TRHDE: variants seen among roughly 807,000 people sequenced by gnomAD.
The protein encoded by TRHDE is thyrotropin-releasing hormone-degrading ectoenzyme.
TRHDE carries 72 observed loss-of-function variants against 125.7 expected under a neutral mutation model. That is an observed-to-expected ratio of 0.57 (90% CI 0.47 to 0.70). TRHDE has a LOEUF of 0.70. Among genes scored for constraint, TRHDE ranks in the 30% least tolerant of loss-of-function variants. The probability of loss-of-function intolerance (pLI) is 0.00; values close to 1 mark genes in which losing one functional copy is unlikely to be tolerated. For missense variants in TRHDE, 1,110 were observed against 1,327.1 expected, an observed-to-expected ratio of 0.84 and a Z score of 2.54; for synonymous variants, 509 against 509.1, an observed-to-expected ratio of 1.00 and a Z score of 0.00.
chr12:72,466,192 G>T (rs531315063), intron 3 of TRHDE, among the ~76,000 whole-genome samples: 1 of 152,272 alleles, frequency 6.6e-6, no homozygotes, highest in African/African-American at 2.4e-5. Context: ...TCAGGCTTTT[G>T]CTATCTGACA....
intron 3 of TRHDE, among the ~76,000 whole-genome samples, chr12:72,459,869 C>T (rs1031840046): frequency 6.6e-6 from 1 of 152,070 alleles, no homozygotes; most frequent in African/African-American, 2.4e-5. Context: ...CCTGTTGCCT[C>T]GGCTTCTCAA....
At chr12:72,238,362 T>TATATAC (rs1458549476) in intron 2 of TRHDE, among the ~76,000 whole-genome samples, 3 of 78,480 alleles carry the variant, frequency 3.8e-5, no homozygotes, top group African/African-American at 1.4e-4. Flanking sequence ...TATATATATA[T>TATATAC]ACACATACAT....
At chr12:72,612,156 G>C (rs1289402932) in intron 12 of TRHDE, among the ~76,000 whole-genome samples, 1 of 152,092 alleles carries the variant, frequency 6.6e-6, no homozygotes, top group African/African-American at 2.4e-5. Flanking sequence ...TCCTCAGTCA[G>C]TATTCTCCTC....
At chr12:72,622,350 G>T (rs1008459330) in intron 15 of TRHDE, among the ~76,000 whole-genome samples, 2 of 152,002 alleles carry the variant, frequency 1.3e-5, no homozygotes, top group Admixed American at 6.6e-5. Flanking sequence ...ACTTGTTAAT[G>T]AAAGGAATAC....
intron 6 of TRHDE, among the ~76,000 whole-genome samples, chr12:72,522,987 C>A (rs1249922359): frequency 6.6e-6 from 1 of 151,992 alleles, no homozygotes; most frequent in African/African-American, 2.4e-5. Context: ...AATCTTTCAC[C>A]ATTTTCCACT....
intron 17 of TRHDE, among the ~76,000 whole-genome samples, chr12:72,656,682 G>T (rs1329752082): frequency 1.3e-5 from 2 of 151,966 alleles, no homozygotes; most frequent in East Asian, 3.9e-4. Flanking sequence ...TAAAAAATTT[G>T]CTACAACTCA....
Position 72,664,248 on chromosome 12 carries a change from G to C in TRHDE, c.*1053G>C, listed in dbSNP as rs1284488529. On this transcript the variant is annotated 3_prime_UTR_variant, in exon 19 of 19. Coordinates refer to ENST00000261180, the MANE Select transcript of TRHDE (RefSeq NM_013381.3). ...ACTTATAATTATTAGTGCTGAAAAA[G>C]AGTTTATTTTCCATCTTGTTTGTTT... 1.3e-5 allele frequency: 2 copies of C among 152,428 alleles called. No homozygotes were observed. Among genetic ancestry groups the C allele is most frequent in the South Asian group, 4.1e-4 (2 of 4,820 alleles). The allele number at this position is 152,428 out of a possible 1,614,324, so 9.4% of individuals were successfully genotyped here.
intron 5 of TRHDE, among the ~76,000 whole-genome samples, chr12:72,483,995 C>T (rs1019640655): frequency 2.6e-5 from 4 of 151,846 alleles, no homozygotes; most frequent in African/African-American, 9.7e-5. Flanking sequence ...AATTCATCAC[C>T]ATGTTAATAA....
chr12:72,509,837 T>G (rs755091264), intron 6 of TRHDE, among the ~76,000 whole-genome samples: 3 of 152,182 alleles, frequency 2.0e-5, no homozygotes, highest in Non-Finnish European at 4.4e-5. Flanking sequence ...TGAGTTAAAT[T>G]AAAGTAAATG....
At chr12:72,430,453 ATG>A (rs1468330952) in intron 3 of TRHDE, among the ~76,000 whole-genome samples, 2 of 148,852 alleles carry the variant, frequency 1.3e-5, no homozygotes, top group Non-Finnish European at 3.0e-5. Context: ...ACGTATATAT[ATG>A]TGTATATATA....
intron 2 of TRHDE, among the ~76,000 whole-genome samples, chr12:72,300,381 C>T (rs1017356039): frequency 2.6e-5 from 4 of 151,664 alleles, no homozygotes; most frequent in African/African-American, 7.3e-5. Flanking sequence ...CACACACACA[C>T]ACACACACAC....
At chr12:72,553,176 T>C (rs192164410) in intron 7 of TRHDE, among the ~76,000 whole-genome samples, 5 of 152,292 alleles carry the variant, frequency 3.3e-5, no homozygotes, top group Admixed American at 3.3e-4. Flanking sequence ...CTATTTGTAT[T>C]TGGTGATTAT....
chr12:72,421,554 A>G (rs2135827440), intron 3 of TRHDE, among the ~76,000 whole-genome samples: 1 of 152,318 alleles, frequency 6.6e-6, no homozygotes, highest in African/African-American at 2.4e-5. Flanking sequence ...GTTATGTGGC[A>G]TTATTTTTGC....
At chr12:72,151,710 A>G (rs1394486126) in intron 2 of TRHDE, among the ~76,000 whole-genome samples, 1 of 152,122 alleles carries the variant, frequency 6.6e-6, no homozygotes, top group Non-Finnish European at 1.5e-5. Context: ...AGTTGTAGAC[A>G]TGTGGCATTA....
At chr12:72,448,854 T>C (rs959114106) in intron 3 of TRHDE, among the ~76,000 whole-genome samples, 6 of 151,828 alleles carry the variant, frequency 4.0e-5, no homozygotes, top group African/African-American at 1.4e-4. Context: ...TTTGTATGTG[T>C]GGAAGACGCA....
intron 2 of TRHDE, among the ~76,000 whole-genome samples, chr12:72,109,630 T>TAAACAAAACA (rs10522997): frequency 0.73 from 110,238 of 151,028 alleles, 40,709 homozygotes; most frequent in Non-Finnish European, 0.79. Context: ...AACAATGTTT[T>TAAACAAAACA]AAACAAAACA....
chr12:72,378,196 C>A, intron 3 of TRHDE, 75 bp downstream of exon 3: 1 of 1,381,560 alleles, frequency 7.2e-7, no homozygotes, highest in Non-Finnish European at 9.7e-7. Flanking sequence ...TTTATTTGAG[C>A]CATCCAGAAG....
chr12:72,562,838 T>G lies in TRHDE; in HGVS notation c.1855-15T>G. 6.6e-7 allele frequency: 1 copy of G among 1,508,712 alleles called. No homozygotes were observed. The highest frequency in any genetic ancestry group is 1.3e-5 in the South Asian group (1 of 76,990). 93.5% of individuals were successfully genotyped at this position (1,508,712 alleles called of 1,614,324 possible). ...CATGTTTATAAAACTAATTTGTACA[T>G]TTTTCCTTGTGAAGGCTTTAAAAAG... is the stretch of plus-strand genomic sequence containing the variant. On this transcript the variant is annotated splice_polypyrimidine_tract_variant and intron_variant, in intron 8 of 18. Transcript: ENST00000261180.
intron 2 of TRHDE, among the ~76,000 whole-genome samples, chr12:72,222,727 G>T (rs1200519868): frequency 6.6e-6 from 1 of 152,074 alleles, no homozygotes; most frequent in Non-Finnish European, 1.5e-5. Flanking sequence ...TCCCTTTCAG[G>T]ATTGTTCCAG....
Sources: gnomAD v4.1 joint callset for allele counts (sites outside exome capture counted in the v4.1 genomes callset) on GRCh38, gnomAD v4.1.1 for gene constraint, MANE v1.5 for transcripts, NCBI Gene and HGNC (gene_info 2026-07-23, HGNC 2026-07-21) for gene names.